Variants in USP42 observed in about 807,000 individuals in gnomAD.
The protein encoded by USP42 is ubiquitin carboxyl-terminal hydrolase 42.
In USP42, 23 loss-of-function variants were observed where a neutral mutation model predicts 113.0. That is an observed-to-expected ratio of 0.20 (90% CI 0.15 to 0.29). The LOEUF (loss-of-function observed/expected upper bound fraction) is 0.29, where lower values mean the gene tolerates loss of function less well. Among genes scored for constraint, USP42 ranks in the 10% least tolerant of loss-of-function variants. USP42 has a pLI of 1.00. For synonymous variants in USP42, 933 were observed against 699.0 expected, an observed-to-expected ratio of 1.33 and a Z score of -5.28; for missense variants, 2,174 against 1,779.8, an observed-to-expected ratio of 1.22 and a Z score of -3.99.
intron 1 of USP42, among the ~76,000 whole-genome samples, chr7:6,105,274 C>T (rs1779202101): frequency 6.8e-6 from 1 of 146,356 alleles, no homozygotes; most frequent in South Asian, 2.1e-4. Context: ...GCGGCCGCGG[C>T]GGGCGGGCAC....
the USP42 span, among the ~76,000 whole-genome samples, chr7:6,099,322 C>G: frequency 7.1e-6 from 1 of 141,496 alleles, no homozygotes; most frequent in Non-Finnish European, 1.5e-5. Context: ...TCAAGAGATT[C>G]TCCTGCCTTA....
chr7:6,142,883 C>A, intron 7 of USP42, 49 bp from the exon 8 acceptor site: 1 of 1,593,518 alleles, frequency 6.3e-7, no homozygotes, highest in Non-Finnish European at 8.6e-7. Flanking sequence ...GACCCAAACA[C>A]AAGTGACGGT....
At chr7:6,137,375 T>A (rs750162043) in intron 4 of USP42, among the ~76,000 whole-genome samples, 2 of 152,232 alleles carry the variant, frequency 1.3e-5, no homozygotes, top group Non-Finnish European at 2.9e-5. Flanking sequence ...ATCCATTCAT[T>A]TGAGATGGAG....
intron 11 of USP42, 37 bp downstream of exon 11, chr7:6,146,285 A>G (rs1781710127): frequency 8.0e-7 from 1 of 1,252,906 alleles, no homozygotes. Flanking sequence ...ATTTTCTGGT[A>G]TGTCATTTCT....
At position 6,139,271 on chromosome 7, in the gene USP42, C is replaced by A; in HGVS notation, c.656+77C>A. On this transcript the variant is annotated intron_variant, in intron 5 of 17. Transcript: ENST00000306177. This position sits in a 1 kb window ranked among gnomAD's most constrained non-coding sequence, Gnocchi z 4.5. Reference sequence around the variant, plus strand: ...GTTTATTCTTATCAGAATTCATTTTCACCTTTTTTGTTGGAAGCACACAGA... The same window carrying A: ...GTTTATTCTTATCAGAATTCATTTTAACCTTTTTTGTTGGAAGCACACAGA... 1 of 1,233,416 alleles carries A rather than the reference C, an allele frequency of 8.1e-7. No individual in the cohort carries two copies. Among genetic ancestry groups the A allele is most frequent in the Admixed American group, 2.6e-5 (1 of 38,050 alleles). The allele number at this position is 1,233,416 out of a possible 1,614,324, so 76.4% of individuals were successfully genotyped here. A position where few individuals can be genotyped will look rare whatever the true frequency, so the allele number is the denominator to read the frequency against.
At chr7:6,147,666 G>A (rs1231442386) in intron 11 of USP42, 73 bp from the exon 12 acceptor site, 3 of 1,480,060 alleles carry the variant, frequency 2.0e-6, no homozygotes, top group East Asian at 2.4e-5. Context: ...GTTAAATGCT[G>A]TTGACTTTGT....
At chr7:6,107,206 C>T (rs370719599) in intron 1 of USP42, among the ~76,000 whole-genome samples, 34 of 152,134 alleles carry the variant, frequency 2.2e-4, no homozygotes, top group African/African-American at 6.5e-4. Flanking sequence ...TTTTTTTTCA[C>T]TTAAGAGGCT....
chr7:6,095,922 C>CT, the USP42 span, among the ~76,000 whole-genome samples: 56 of 147,306 alleles, frequency 3.8e-4, 1 homozygote, highest in Middle Eastern at 3.4e-3. Flanking sequence ...CCATACTTGG[C>CT]TTTTTTTTTT....
the USP42 span, among the ~76,000 whole-genome samples, chr7:6,094,554 G>A: frequency 6.6e-6 from 1 of 151,278 alleles, no homozygotes; most frequent in African/African-American, 2.5e-5. Flanking sequence ...GAATTAAGCT[G>A]GTGCTAGATG....
intron 2 of USP42, among the ~76,000 whole-genome samples, chr7:6,112,810 C>T (rs1255879737): frequency 6.6e-6 from 1 of 151,810 alleles, no homozygotes; most frequent in Non-Finnish European, 1.5e-5. Context: ...ATTTGTCTTC[C>T]AGTGTGGCCC....
chr7:6,113,053 G>A (rs999729866), intron 2 of USP42, among the ~76,000 whole-genome samples: 4 of 151,662 alleles, frequency 2.6e-5, no homozygotes, highest in Non-Finnish European at 5.9e-5. Flanking sequence ...ACAGGTGCGC[G>A]CCACCATGCC....
chr7:6,159,335 G>T lies in USP42; in HGVS notation c.3944-115G>T. ...ACCTCACTGGGGAGTGGCCTCAGGC[G>T]CTCACAGGGAACCGCAGTGACTCTG... On this transcript the variant is annotated intron_variant, in intron 16 of 17. Transcript: ENST00000306177. The surrounding 1 kb of genome is among the most constrained non-coding windows in gnomAD (Gnocchi z 4.1). The T allele has an allele frequency of 7.2e-7, 1 of 1,394,892 alleles. No individual in the cohort carries two copies. The highest frequency in any genetic ancestry group is 1.0e-6 in the Non-Finnish European group (1 of 998,424). The allele number at this position is 1,394,892 out of a possible 1,614,324, so 86.4% of individuals were successfully genotyped here.
At chr7:6,156,721 T>A in intron 15 of USP42, 33 bp from the exon 16 acceptor site, 2 of 1,511,252 alleles carry the variant, frequency 1.3e-6, no homozygotes, top group Non-Finnish European at 1.8e-6. Context: ...TTTTGTGTTT[T>A]AGGGTTTTGA....
intron 2 of USP42, among the ~76,000 whole-genome samples, chr7:6,112,985 T>C (rs543942710): frequency 7.2e-6 from 1 of 139,760 alleles, no homozygotes; most frequent in African/African-American, 2.7e-5. Flanking sequence ...CTCACTGCAA[T>C]CTCTGCCTGC....
At chr7:6,083,224 TTATTTA>T in the USP42 span, among the ~76,000 whole-genome samples, 3 of 3,736 alleles carry the variant, frequency 8.0e-4, no homozygotes, top group African/African-American at 2.1e-3. Context: ...CGCACCCAGC[TTATTTA>T]TTTATTTATT....
At position 6,150,533 on chromosome 7, in the gene USP42, G is replaced by C. The variant is rs770718036; in HGVS notation, c.2201+27G>C. 3.1e-6 allele frequency: 5 copies of C among 1,599,400 alleles called. No homozygotes were observed. The African/African-American group carries it at 4.0e-5, about 13-fold the overall frequency. ...TAACGTAAGAGTACATCTGAGGCAC[G>C]TGTGGCAGCATAGTAGGAAATCCAG... On this transcript the variant is annotated intron_variant, in intron 14 of 17. Coordinates refer to ENST00000306177, the MANE Select transcript of USP42 (RefSeq NM_032172.3).
In USP42 at chr7:6,139,999, T is replaced by G; in HGVS notation, c.657-129T>G. ...TCTTGGGCTGCCACACGTGCCATCC[T>G]TTTATTTTCCATGGCTGTCCTGTTT... On this transcript the variant is annotated intron_variant, in intron 5 of 17. Transcript: ENST00000306177. This position sits in a 1 kb window ranked among gnomAD's most constrained non-coding sequence, Gnocchi z 4.5. 1.1e-6 allele frequency: 1 copy of G among 922,332 alleles called. No individual in the cohort carries two copies. The highest frequency in any genetic ancestry group is 1.8e-6 in the Non-Finnish European group (1 of 560,022). 57.1% of individuals were successfully genotyped at this position (922,332 alleles called of 1,614,324 possible).
At chr7:6,086,850 C>T in the USP42 span, among the ~76,000 whole-genome samples, 7 of 150,252 alleles carry the variant, frequency 4.7e-5, no homozygotes, top group Non-Finnish European at 8.8e-5. Flanking sequence ...CTCAGCCTCC[C>T]GAGTAGCTGG....
rs374313153 is a variant in USP42, at chr7:6,146,093, A to G, written c.1132-55A>G. The G allele has an allele frequency of 8.5e-4, 1,068 of 1,252,164 alleles. 6 individuals are homozygous for G. In the African/African-American group the frequency reaches 0.014, roughly 17 times the overall value. The allele number at this position is 1,252,164 out of a possible 1,614,324, so 77.6% of individuals were successfully genotyped here. ...AAAGAAAGAAATATTTCTCTTGACT[A>G]TGTTCCATGTTTAATTAAATCTAAT... On this transcript the variant is annotated intron_variant, in intron 10 of 17. Transcript: ENST00000306177.
Sources: gnomAD v4.1 joint callset for allele counts (sites outside exome capture counted in the v4.1 genomes callset) on GRCh38, gnomAD v4.1.1 for gene constraint, Gnocchi (gnomAD v3.1) non-coding constraint, MANE v1.5 for transcripts, NCBI Gene and HGNC (gene_info 2026-07-23, HGNC 2026-07-21) for gene names.